Variants in OTOF observed in about 807,000 individuals in gnomAD.
The protein encoded by OTOF is fer-1-like family member 2.
Under a neutral mutation model 236.8 loss-of-function variants are expected in OTOF, and 218 were observed. That is an observed-to-expected ratio of 0.92 (90% CI 0.82 to 1.03). OTOF has a LOEUF of 1.03. OTOF is among the 50% of genes least tolerant of loss of function. The probability of loss-of-function intolerance (pLI) is 0.00; values close to 1 mark genes in which losing one functional copy is unlikely to be tolerated. For synonymous variants in OTOF, 1,041 were observed against 1,072.5 expected (o/e 0.97, Z 0.57); for missense variants, 2,590 against 2,694.4 (o/e 0.96, Z 0.86).
intron 1 of OTOF, among the ~76,000 whole-genome samples, chr2:26,541,796 T>C (rs1394115904): frequency 6.6e-6 from 1 of 152,090 alleles, no homozygotes; most frequent in Non-Finnish European, 1.5e-5. Flanking sequence ...ACAGGGAAAA[T>C]GGAGAATAAA....
rs1390265040 is a variant in OTOF, at chr2:26,527,900, G to A, written c.159C>T (p.Ala53=). 3.1e-6 allele frequency: 5 copies of A among 1,613,842 alleles called. No individual in the cohort carries two copies. In the Middle Eastern group the frequency reaches 4.9e-4, roughly 159 times the overall value. The part of the protein sequence containing the change: ...DFDETFRWPV[A]SSIDRNEMLE... ...GCATCTCATTTCTGTCGATGCTGCT[G>A]GCCACCGGCCACCGAAATGTCTGGG... The change falls in exon 3 of 47, where the codon GCC becomes GCT. Residue 53 remains alanine (A), a synonymous_variant. Coordinates refer to ENST00000272371, the MANE Select transcript of OTOF (RefSeq NM_194248.3).
intron 26 of OTOF, 22 bp downstream of exon 26, chr2:26,474,490 GC>G (rs770324122): frequency 2.6e-6 from 4 of 1,531,150 alleles, no homozygotes; most frequent in Non-Finnish European, 3.5e-6. Context: ...CCAGGCCTCA[GC>G]CCCTCTTCCC....
chr2:26,496,448 C>T (rs1403967776), intron 8 of OTOF, among the ~76,000 whole-genome samples: 3 of 151,962 alleles, frequency 2.0e-5, no homozygotes, highest in Non-Finnish European at 4.4e-5. Context: ...CCATGTTGGC[C>T]AGGCTGGTCT....
chr2:26,543,604 A>C (rs969567854), intron 1 of OTOF, among the ~76,000 whole-genome samples: 14 of 152,284 alleles, frequency 9.2e-5, no homozygotes, highest in African/African-American at 3.1e-4. Flanking sequence ...CCTCACCCTT[A>C]AAATGAAGGA....
rs397517937 is a variant in OTOF, at chr2:26,479,529, G to C, written c.2037C>G (p.Ala679=). ...QNASDDEAGD[A]GDLASVSSTP... ...TGGAGGAGACTGAGGCCAGGTCCCC[G>C]GCATCACCGGCCTCGTCATCACTTG... is the stretch of plus-strand genomic sequence containing the variant. Residue 679 remains alanine, a synonymous_variant, in exon 17 of 47, where the codon GCC becomes GCG. Coordinates refer to ENST00000272371, the MANE Select transcript of OTOF (RefSeq NM_194248.3). 6.2e-7 allele frequency: 1 copy of C among 1,608,062 alleles called. No individual in the cohort carries two copies. The highest frequency in any genetic ancestry group is 8.5e-7 in the Non-Finnish European group (1 of 1,178,146).
At chr2:26,467,567 C>T in intron 33 of OTOF, 66 bp from the exon 34 acceptor site, 1 of 1,551,106 alleles carries the variant, frequency 6.4e-7, no homozygotes, top group African/African-American at 1.4e-5. Context: ...GATTCGAGAC[C>T]CAGCTCTGTC....
chr2:26,497,782 A>T (rs1355853203), intron 8 of OTOF, among the ~76,000 whole-genome samples: 1 of 152,264 alleles, frequency 6.6e-6, no homozygotes, highest in Non-Finnish European at 1.5e-5. Flanking sequence ...CAGAAGTTCA[A>T]TATTCACTGC....
chr2:26,558,098 C>T (rs1368382918), intron 1 of OTOF, among the ~76,000 whole-genome samples: 1 of 151,840 alleles, frequency 6.6e-6, no homozygotes, highest in East Asian at 2.0e-4. Flanking sequence ...GCCCCAGGCT[C>T]CATACCCGGC....
intron 5 of OTOF, 85 bp downstream of exon 5, chr2:26,516,333 G>C: frequency 2.4e-6 from 3 of 1,266,212 alleles, no homozygotes; most frequent in Non-Finnish European, 3.4e-6. Context: ...GCTAGGCCTA[G>C]AGAGGCCTGT....
intron 1 of OTOF, among the ~76,000 whole-genome samples, chr2:26,543,245 C>T (rs2148128272): frequency 6.6e-6 from 1 of 152,342 alleles, no homozygotes; most frequent in African/African-American, 2.4e-5. Context: ...GGCCCAAGCA[C>T]CCCTGCGTGC....
chr2:26,473,372 C>T lies in OTOF; in HGVS notation c.3570+34G>A, dbSNP rs961054991. ...GGCTGGCTGAGTGGAGCCACACTGG[C>T]CACAGGATGTCCTCCGCCAGGGCCT... On this transcript the variant is annotated intron_variant, in intron 28 of 46. Transcript: ENST00000272371. The surrounding 1 kb of genome is among the most constrained non-coding windows in gnomAD (Gnocchi z 7.2). 6.2e-7 allele frequency: 1 copy of T among 1,613,268 alleles called. No homozygotes were observed. Among genetic ancestry groups the T allele is most frequent in the South Asian group, 1.1e-5 (1 of 91,082 alleles).
chr2:26,546,446 A>G (rs1667335192), intron 1 of OTOF, among the ~76,000 whole-genome samples: 1 of 149,528 alleles, frequency 6.7e-6, no homozygotes, highest in South Asian at 2.2e-4. Context: ...GGGCAACAAG[A>G]GTGAAACTCT....
chr2:26,524,401 CG>C, intron 3 of OTOF, among the ~76,000 whole-genome samples: 1 of 152,080 alleles, frequency 6.6e-6, no homozygotes, highest in Non-Finnish European at 1.5e-5. Context: ...CCCAGCTACT[CG>C]GGAGGCCAAG....
In OTOF at chr2:26,460,022, G is replaced by A. The variant is rs1485053228; in HGVS notation, c.*3C>T. On this transcript the variant is annotated 3_prime_UTR_variant, in exon 46 of 47. Coordinates refer to ENST00000272371, the MANE Select transcript of OTOF (RefSeq NM_194248.3). The surrounding 1 kb of genome is among the most constrained non-coding windows in gnomAD (Gnocchi z 5.3). Reference sequence around the variant, plus strand: ...AAATATCAGACCCAGGAGGCCACTGGGCTCAGGCCCCGAGGATTTTCTTGA... The same window carrying A: ...AAATATCAGACCCAGGAGGCCACTGAGCTCAGGCCCCGAGGATTTTCTTGA... The A allele has an allele frequency of 1.3e-6, 2 of 1,565,734 alleles. No individual in the cohort carries two copies. Among genetic ancestry groups the A allele is most frequent in the South Asian group, 1.2e-5 (1 of 85,000 alleles).
chr2:26,525,195 A>G (rs962178845), intron 3 of OTOF, among the ~76,000 whole-genome samples: 2 of 152,144 alleles, frequency 1.3e-5, no homozygotes, highest in Admixed American at 6.5e-5. Context: ...GCCTTTGTGC[A>G]CTAAACATCC....
At position 26,460,243 on chromosome 2, in the gene OTOF, GGGA is replaced by G. The variant is rs758657847; in HGVS notation, c.5814-41_5814-39del. 5.9e-6 allele frequency: 9 copies of G among 1,521,180 alleles called. No homozygotes were observed. In the African/African-American group the frequency reaches 1.1e-4, roughly 19 times the overall value. 94.2% of individuals were successfully genotyped at this position (1,521,180 alleles called of 1,614,324 possible). A position where few individuals can be genotyped will look rare whatever the true frequency, so the allele number is the denominator to read the frequency against. ...GGGTAGAGAGCGCAGAGGAGGGACA[GGGA>G]GGAGAAGGGATTGGGTGTGGCGAGG... On this transcript the variant is annotated intron_variant, in intron 45 of 46. Coordinates refer to ENST00000272371, the MANE Select transcript of OTOF (RefSeq NM_194248.3). This position sits in a 1 kb window ranked among gnomAD's most constrained non-coding sequence, Gnocchi z 5.3.
chr2:26,489,321 C>T (rs372285325), intron 10 of OTOF, 26 bp from the exon 11 acceptor site: 30 of 1,580,034 alleles, frequency 1.9e-5, no homozygotes, highest in Non-Finnish European at 2.4e-5. Context: ...ACAGCCCACC[C>T]GTCAGGCCCA....
Position 26,461,898 on chromosome 2 carries a change from G to C in OTOF, c.5331C>G (p.Asp1777Glu). ...CGCCAGTGAGGGAGTGGTAGTGGAC[G>C]TCTGTGTCCTGCTTGTCCTCCTGCT... ...KGQQEDKQDT[D>E]VHYHSLTGEG... The change falls in exon 43 of 47, where the codon GAC (aspartate) becomes GAG (glutamate). Residue 1777 changes from aspartate to glutamate, a missense_variant. Transcript: ENST00000272371. The surrounding 1 kb of genome is among the most constrained non-coding windows in gnomAD (Gnocchi z 6.2). 1 of 1,614,132 alleles carries C rather than the reference G, an allele frequency of 6.2e-7. No homozygotes were observed. The highest frequency in any genetic ancestry group is 8.5e-7 in the Non-Finnish European group (1 of 1,180,020).
At chr2:26,494,191 C>T (rs779933476) in intron 9 of OTOF, among the ~76,000 whole-genome samples, 21 of 152,274 alleles carry the variant, frequency 1.4e-4, no homozygotes, top group Non-Finnish European at 2.4e-4. Context: ...ATGGAGGCCT[C>T]AGTATCCTCC....
Sources: gnomAD v4.1 joint callset for allele counts (sites outside exome capture counted in the v4.1 genomes callset) on GRCh38, gnomAD v4.1.1 for gene constraint, Gnocchi (gnomAD v3.1) non-coding constraint, MANE v1.5 for transcripts, NCBI Gene and HGNC (gene_info 2026-07-23, HGNC 2026-07-21) for gene names.